CDKAL1: variants seen among roughly 807,000 people sequenced by gnomAD.
The protein encoded by CDKAL1 is CDKAL1 threonylcarbamoyladenosine tRNA methylthiotransferase.
CDKAL1 carries 32 observed loss-of-function variants against 68.2 expected under a neutral mutation model. The ratio of observed to expected loss-of-function variants is 0.47; its 90% CI spans 0.35 to 0.63. CDKAL1 has a LOEUF of 0.63. Ranked by LOEUF, CDKAL1 falls within the 30% of genes least tolerant of loss-of-function variation. CDKAL1 has a pLI of 0.00. For synonymous variants in CDKAL1, 234 were observed against 244.3 expected (o/e 0.96, Z 0.39); for missense variants, 606 against 696.7 (o/e 0.87, Z 1.47).
chr6:20,917,808 T>C (rs944706670), intron 9 of CDKAL1, among the ~76,000 whole-genome samples: 4 of 152,210 alleles, frequency 2.6e-5, no homozygotes, highest in African/African-American at 9.6e-5. Context: ...TTTGTGTCCC[T>C]CCAAAATTCA....
intron 13 of CDKAL1, among the ~76,000 whole-genome samples, chr6:21,126,730 TA>T (rs1232645177): frequency 1.3e-5 from 2 of 152,226 alleles, no homozygotes; most frequent in African/African-American, 4.8e-5. Context: ...TCCCTAAGGA[TA>T]TTAAGTAGCT....
At chr6:20,874,473 T>G (rs1472497335) in intron 9 of CDKAL1, among the ~76,000 whole-genome samples, 1 of 151,960 alleles carries the variant, frequency 6.6e-6, no homozygotes, top group Non-Finnish European at 1.5e-5. Flanking sequence ...CTGGCTAATT[T>G]TTTTTTGTAT....
At chr6:20,608,652 G>A (rs1766440486) in intron 4 of CDKAL1, among the ~76,000 whole-genome samples, 1 of 152,200 alleles carries the variant, frequency 6.6e-6, no homozygotes, top group Non-Finnish European at 1.5e-5. Flanking sequence ...TATGTCTGAA[G>A]TTGCCCGCAG....
chr6:20,778,410 T>C (rs929409928), intron 7 of CDKAL1, among the ~76,000 whole-genome samples: 1 of 152,214 alleles, frequency 6.6e-6, no homozygotes. Flanking sequence ...AACCATAATA[T>C]GTAAATAATT....
At chr6:20,839,998 C>T (rs1778110136) in intron 8 of CDKAL1, among the ~76,000 whole-genome samples, 1 of 152,110 alleles carries the variant, frequency 6.6e-6, no homozygotes, top group Admixed American at 6.5e-5. Flanking sequence ...TGCAACTAAT[C>T]ATGTATTCTT....
intron 11 of CDKAL1, among the ~76,000 whole-genome samples, chr6:21,035,509 G>A (rs1769526844): frequency 6.6e-6 from 1 of 152,028 alleles, no homozygotes; most frequent in African/African-American, 2.4e-5. Flanking sequence ...AAACATCTAA[G>A]GGTCAGCAAG....
chr6:20,927,668 G>A (rs915556801), intron 9 of CDKAL1, among the ~76,000 whole-genome samples: 1 of 152,038 alleles, frequency 6.6e-6, no homozygotes, highest in African/African-American at 2.4e-5. Flanking sequence ...CCTAGGAAAC[G>A]TTTTCTAAAA....
At chr6:21,138,424 A>G (rs1424686768) in intron 13 of CDKAL1, among the ~76,000 whole-genome samples, 1 of 152,264 alleles carries the variant, frequency 6.6e-6, no homozygotes, top group African/African-American at 2.4e-5. Flanking sequence ...TATCAGAAAG[A>G]GTAAGTGCTT....
intron 9 of CDKAL1, among the ~76,000 whole-genome samples, chr6:20,876,293 G>C (rs543950381): frequency 1.3e-5 from 2 of 152,294 alleles, no homozygotes; most frequent in African/African-American, 4.8e-5. Context: ...CTTTCACTTG[G>C]GGCAGGATGT....
At chr6:21,155,404 G>A (rs1260357776) in intron 13 of CDKAL1, among the ~76,000 whole-genome samples, 1 of 152,136 alleles carries the variant, frequency 6.6e-6, no homozygotes, top group Non-Finnish European at 1.5e-5. Context: ...GCTCAAGCTG[G>A]ACATGAAAAT....
At chr6:21,061,795 C>T (rs1005944547) in intron 11 of CDKAL1, among the ~76,000 whole-genome samples, 4 of 151,932 alleles carry the variant, frequency 2.6e-5, no homozygotes, top group Admixed American at 6.6e-5. Context: ...TGTATAGATC[C>T]GCCTCATCTC....
intron 4 of CDKAL1, among the ~76,000 whole-genome samples, chr6:20,645,554 A>AC (rs1768403567): frequency 6.6e-6 from 1 of 151,138 alleles, no homozygotes; most frequent in Non-Finnish European, 1.5e-5. Context: ...ACATGATGAA[A>AC]CCCCGTCTGT....
intron 4 of CDKAL1, among the ~76,000 whole-genome samples, chr6:20,579,133 A>G (rs1015930866): frequency 3.3e-5 from 5 of 152,024 alleles, no homozygotes; most frequent in Admixed American, 2.0e-4. Context: ...CTGCACCACC[A>G]TGCTTGGCTA....
At chr6:21,024,689 A>G (rs1189143093) in intron 11 of CDKAL1, among the ~76,000 whole-genome samples, 2 of 152,204 alleles carry the variant, frequency 1.3e-5, no homozygotes, top group Admixed American at 6.5e-5. Flanking sequence ...CACAGTCTAT[A>G]AGATAGAGGT....
intron 4 of CDKAL1, among the ~76,000 whole-genome samples, chr6:20,644,743 T>TG (rs993362329): frequency 1.1e-4 from 16 of 152,086 alleles, no homozygotes; most frequent in African/African-American, 2.2e-4. Context: ...ATTTGTTGGG[T>TG]GGGGGGGTTC....
chr6:20,995,366 A>G (rs1340761545), intron 10 of CDKAL1, among the ~76,000 whole-genome samples: 1 of 152,236 alleles, frequency 6.6e-6, no homozygotes, highest in Non-Finnish European at 1.5e-5. Context: ...TAGATCCACC[A>G]GAGGAATCAC....
intron 4 of CDKAL1, among the ~76,000 whole-genome samples, chr6:20,588,350 C>T (rs1765458963): frequency 6.6e-6 from 1 of 152,144 alleles, no homozygotes; most frequent in African/African-American, 2.4e-5. Flanking sequence ...CTACATGACT[C>T]CCTCACCCAA....
intron 4 of CDKAL1, among the ~76,000 whole-genome samples, chr6:20,554,527 T>C (rs1763959940): frequency 6.6e-6 from 1 of 152,232 alleles, no homozygotes; most frequent in Admixed American, 6.5e-5. Context: ...GAATAAAATA[T>C]GTGCTATGAT....
chr6:20,569,468 T>G (rs1435085272), intron 4 of CDKAL1, among the ~76,000 whole-genome samples: 1 of 152,264 alleles, frequency 6.6e-6, no homozygotes, highest in Non-Finnish European at 1.5e-5. Context: ...GCCAAAGGAA[T>G]GCTTTTACTT....
Sources: gnomAD v4.1 joint callset for allele counts (sites outside exome capture counted in the v4.1 genomes callset) on GRCh38, gnomAD v4.1.1 for gene constraint, MANE v1.5 for transcripts, NCBI Gene and HGNC (gene_info 2026-07-23, HGNC 2026-07-21) for gene names.